The following SYNPO2L variants were observed in gnomAD, a reference collection of about 807,000 sequenced individuals.
SYNPO2L encodes synaptopodin 2 like.
SYNPO2L carries 34 observed loss-of-function variants against 47.5 expected under a neutral mutation model. That is an observed-to-expected ratio of 0.72 (90% confidence interval 0.54 to 0.95). The LOEUF is 0.95. Ranked by LOEUF, SYNPO2L falls within the 40% of genes least tolerant of loss-of-function variation. The pLI is 0.00. For synonymous variants in SYNPO2L, 536 were observed against 524.9 expected, an observed-to-expected ratio of 1.02 and a Z score of -0.29; for missense variants, 1,246 against 1,282.0, an observed-to-expected ratio of 0.97 and a Z score of 0.43.
In SYNPO2L at chr10:73,654,603, G is replaced by A. The variant is rs138593464; in HGVS notation, c.106-323C>T. 3.2e-3 allele frequency among the ~76,000 whole-genome samples: 483 copies of A among 152,246 alleles called. 2 individuals are homozygous for A. The highest frequency in any genetic ancestry group is 0.011 in the African/African-American group (463 of 41,532). On this transcript the variant is annotated intron_variant, in intron 1 of 3. Coordinates refer to ENST00000394810, the MANE Select transcript of SYNPO2L (RefSeq NM_001114133.3). ...TCACGCCTGTAAGCCCAGTGCTTTG[G>A]GAGGCCTAGGTGGGTGGATCACTTG...
Position 73,645,190 on chromosome 10 carries a change from C to T in SYNPO2L, c.*1528G>A. 1.7e-6 allele frequency: 2 copies of T among 1,157,518 alleles called. No homozygotes were observed. The highest frequency in any genetic ancestry group is 1.0e-4 in the East Asian group (1 of 9,924). 71.7% of individuals were successfully genotyped at this position (1,157,518 alleles called of 1,614,324 possible). ...AAGAACAGACTCAAGGAAAATCACA[C>T]AGACACCAACCGTTCTTTCAACACT... On this transcript the variant is annotated 3_prime_UTR_variant, in exon 4 of 4. Coordinates refer to ENST00000394810, the MANE Select transcript of SYNPO2L (RefSeq NM_001114133.3).
chr10:73,646,357 GCT>G lies in SYNPO2L; in HGVS notation c.*359_*360del. ...GCCTGAAGTCCCAGTGGTCACTTCTGCTCTGTTTACTTCTCACTGAACATTAA... is the reference window on the plus strand; with the variant it reads ...GCCTGAAGTCCCAGTGGTCACTTCTGCTGTTTACTTCTCACTGAACATTAA... On this transcript the variant is annotated 3_prime_UTR_variant, in exon 4 of 4. Coordinates refer to ENST00000394810, the MANE Select transcript of SYNPO2L (RefSeq NM_001114133.3). 9.9e-7 allele frequency: 1 copy of G among 1,011,790 alleles called. No homozygotes were observed. The highest frequency in any genetic ancestry group is 1.2e-6 in the Non-Finnish European group (1 of 848,364). The allele number at this position is 1,011,790 out of a possible 1,614,324, so 62.7% of individuals were successfully genotyped here.
In SYNPO2L at chr10:73,646,205, C is replaced by G; in HGVS notation, c.*513G>C. 1 of 989,828 alleles carries G rather than the reference C, an allele frequency of 1.0e-6. No individual in the cohort carries two copies. The allele number at this position is 989,828 out of a possible 1,614,324, so 61.3% of individuals were successfully genotyped here. The stretch of plus-strand genomic sequence containing the variant: ...ACACACACACACACACACACACACA[C>G]ACACACACACACAGGCCTAGGTATA... On this transcript the variant is annotated 3_prime_UTR_variant, in exon 4 of 4. Coordinates refer to ENST00000394810, the MANE Select transcript of SYNPO2L (RefSeq NM_001114133.3).
Position 73,648,144 on chromosome 10 carries a change from C to A in SYNPO2L, c.1508G>T (p.Ser503Ile). The A allele has an allele frequency of 6.5e-7, 1 of 1,543,522 alleles. No homozygotes were observed. Among genetic ancestry groups the A allele is most frequent in the Admixed American group, 1.9e-5 (1 of 51,970 alleles). ...KRANDSLGGL[S>I]PAPPPFLSSQ... Reference sequence around the variant, plus strand: ...AGACAAGAAGGGGGGTGGGGCGGGGCTGAGGCCCCCCAGGCTGTCGTTCGC... The same window carrying A: ...AGACAAGAAGGGGGGTGGGGCGGGGATGAGGCCCCCCAGGCTGTCGTTCGC... Residue 503 changes from serine (S) to isoleucine (I), a missense_variant, in exon 4 of 4, where the codon AGC becomes ATC. Around this residue, in one of 3 missense-constraint regions of SYNPO2L, gnomAD observed 1,037 missense variants for 1,021.5 expected, o/e 1.02. Coordinates refer to ENST00000394810, the MANE Select transcript of SYNPO2L (RefSeq NM_001114133.3).
Position 73,647,002 on chromosome 10 carries a change from C to G in SYNPO2L, c.2650G>C (p.Val884Leu), listed in dbSNP as rs756322563. ...GTGGAAAACCGGCGAATCTCCTGGA[C>G]TCGGGCAGTTTTGGGGGACCCTGAG... ...IASGSPKTAR[V>L]QEIRRFSTPA... Residue 884 changes from valine (V) to leucine (L), a missense_variant, in exon 4 of 4, where the codon GTC (valine) becomes CTC (leucine). By Grantham distance (32) the Val-to-Leu change is conservative (BLOSUM62 1). Transcript: ENST00000394810. The G allele has an allele frequency of 1.2e-6, 2 of 1,613,388 alleles. No homozygotes were observed. The highest frequency in any genetic ancestry group is 2.2e-5 in the South Asian group (2 of 91,044).
chr10:73,644,893 C>T lies in SYNPO2L; in HGVS notation c.*1825G>A. 1 of 659,610 alleles carries T rather than the reference C, an allele frequency of 1.5e-6. No individual in the cohort carries two copies. Among genetic ancestry groups the T allele is most frequent in the Non-Finnish European group, 2.2e-6 (1 of 455,484 alleles). 40.9% of individuals were successfully genotyped at this position (659,610 alleles called of 1,614,324 possible). A position where few individuals can be genotyped will look rare whatever the true frequency, so the allele number is the denominator to read the frequency against. Reference sequence around the variant, plus strand: ...GATAACAGCAACAGAAGGTATGGGGCATAAATTTATTCTTGTGCACAAACC... The same window carrying T: ...GATAACAGCAACAGAAGGTATGGGGTATAAATTTATTCTTGTGCACAAACC... On this transcript the variant is annotated 3_prime_UTR_variant, in exon 4 of 4. Transcript: ENST00000394810.
At chr10:73,654,491 T>C (rs1423089346) in intron 1 of SYNPO2L, among the ~76,000 whole-genome samples, 2 of 151,848 alleles carry the variant, frequency 1.3e-5, no homozygotes, top group Non-Finnish European at 2.9e-5. Flanking sequence ...TGGTGGGAAA[T>C]AGGGTAACCA....
At position 73,648,215 on chromosome 10, in the gene SYNPO2L, C is replaced by A; in HGVS notation, c.1437G>T (p.Arg479=). ...RPFTPGLQGQ[R]PTTTSVIFRP... ...GGAAAATAACCGAGGTGGTAGTTGGCCGCTGCCCTTGTAGGCCCGGGGTAA... is the reference window on the plus strand; with the variant it reads ...GGAAAATAACCGAGGTGGTAGTTGGACGCTGCCCTTGTAGGCCCGGGGTAA... The change falls in exon 4 of 4, where the codon CGG becomes CGT. Residue 479 remains arginine, a synonymous_variant. Coordinates refer to ENST00000394810, the MANE Select transcript of SYNPO2L (RefSeq NM_001114133.3). 1.9e-6 allele frequency: 3 copies of A among 1,579,660 alleles called. No individual in the cohort carries two copies. The highest frequency in any genetic ancestry group is 2.6e-6 in the Non-Finnish European group (3 of 1,165,258).
intron 3 of SYNPO2L, among the ~76,000 whole-genome samples, chr10:73,651,549 A>G (rs998682687): frequency 2.6e-5 from 4 of 152,200 alleles, no homozygotes; most frequent in African/African-American, 9.7e-5. Flanking sequence ...CGGGAGGCAT[A>G]GAGCAGGGAG....
At chr10:73,652,303 C>T (rs1250993741) in intron 3 of SYNPO2L, among the ~76,000 whole-genome samples, 1 of 151,954 alleles carries the variant, frequency 6.6e-6, no homozygotes, top group Non-Finnish European at 1.5e-5. Flanking sequence ...TAGACATGTG[C>T]CACAGTGTTT....
intron 3 of SYNPO2L, chr10:73,650,089 A>G: frequency 1.0e-6 from 1 of 985,356 alleles, no homozygotes; most frequent in Non-Finnish European, 1.2e-6. Context: ...GGGGCCAGGA[A>G]ATGGGAGGGC....
Position 73,645,502 on chromosome 10 carries a change from C to T in SYNPO2L, c.*1216G>A, listed in dbSNP as rs879280246. 1.4e-5 allele frequency: 14 copies of T among 991,318 alleles called. No homozygotes were observed. The Admixed American group carries it at 5.5e-4, about 39-fold the overall frequency. The allele number at this position is 991,318 out of a possible 1,614,324, so 61.4% of individuals were successfully genotyped here. A position where few individuals can be genotyped will look rare whatever the true frequency, so the allele number is the denominator to read the frequency against. ...ATGAAGCCAATGATTTGTTCATTCT[C>T]GGAGGGAATTTTCTTTCTTTTTTTC... On this transcript the variant is annotated 3_prime_UTR_variant, in exon 4 of 4. Coordinates refer to ENST00000394810, the MANE Select transcript of SYNPO2L (RefSeq NM_001114133.3).
intron 3 of SYNPO2L, chr10:73,649,984 G>A: frequency 1.0e-6 from 1 of 985,402 alleles, no homozygotes; most frequent in African/African-American, 1.7e-5. Flanking sequence ...TCTACGTAGA[G>A]AGCTCAGGCA....
Position 73,646,990 on chromosome 10 carries a change from G to C in SYNPO2L, c.2662C>G (p.Arg888Gly). The change falls in exon 4 of 4, where the codon CGC becomes GGC. Residue 888 changes from arginine (R) to glycine (G), a missense_variant. Transcript: ENST00000394810. ...SPKTARVQEI[R>G]RFSTPAPQPT... ...TGGGGTGCCGGAGTGGAAAACCGGC[G>C]AATCTCCTGGACTCGGGCAGTTTTG... The C allele has an allele frequency of 1.2e-6, 2 of 1,612,780 alleles. No individual in the cohort carries two copies. Among genetic ancestry groups the C allele is most frequent in the Non-Finnish European group, 1.7e-6 (2 of 1,179,024 alleles).
chr10:73,647,467 GC>G lies in SYNPO2L; in HGVS notation c.2184del (p.Lys728AsnfsTer12). ...CCATCAAGGAGCCCTCGAGATGGGG[GC>G]TTAGGAGCCACTGGGGGTGGAGTCT... ...TPKTPPPVAP[K>X]PPSRGLLDGL... is the part of the protein sequence containing the mutation. On this transcript the variant is annotated frameshift_variant, in exon 4 of 4. Coordinates refer to ENST00000394810, the MANE Select transcript of SYNPO2L (RefSeq NM_001114133.3). LOFTEE classifies it high-confidence loss of function. 1 of 1,598,042 alleles carries G rather than the reference GC, an allele frequency of 6.3e-7. No individual in the cohort carries two copies. Among genetic ancestry groups the G allele is most frequent in the Non-Finnish European group, 8.5e-7 (1 of 1,170,066 alleles).
Position 73,646,789 on chromosome 10 carries a change from T to C in SYNPO2L, c.2863A>G (p.Arg955Gly). Residue 955 changes from arginine (R) to glycine (G), a missense_variant, in exon 4 of 4, where the codon AGG becomes GGG. Around this residue, in one of 3 missense-constraint regions of SYNPO2L, gnomAD observed 1,037 missense variants for 1,021.5 expected, o/e 1.02. Coordinates refer to ENST00000394810, the MANE Select transcript of SYNPO2L (RefSeq NM_001114133.3). ...SPSSCGFQVA[R>G]PRFSATRTGL... ...GTTCTGGTGGCTGAAAATCGGGGCC[T>C]GGCTACCTGGAAACCGCAGGAGCTG... 1 of 1,525,842 alleles carries C rather than the reference T, an allele frequency of 6.6e-7. No individual in the cohort carries two copies. Among genetic ancestry groups the C allele is most frequent in the South Asian group, 1.3e-5 (1 of 75,516 alleles). 94.5% of individuals were successfully genotyped at this position (1,525,842 alleles called of 1,614,324 possible).
chr10:73,652,247 G>A (rs1564994641), intron 3 of SYNPO2L, among the ~76,000 whole-genome samples: 1 of 151,992 alleles, frequency 6.6e-6, no homozygotes, highest in Non-Finnish European at 1.5e-5. Flanking sequence ...AAACCTCTCA[G>A]GCTCAAGCAA....
In SYNPO2L at chr10:73,647,302, G is replaced by A; in HGVS notation, c.2350C>T (p.Pro784Ser). ...GTAGGAGAAGGACTTCTAGGCCGAG[G>A]GCCAAGACCAGGACCAGGTGTACCT... ...VEGTPGPGLGPRPRSPSPTPS... is the reference protein window; with the variant it reads ...VEGTPGPGLGSRPRSPSPTPS... Residue 784 changes from proline (P) to serine (S), a missense_variant, in exon 4 of 4, where the codon CCT (proline) becomes TCT (serine). By Grantham distance (74) the Pro-to-Ser change is moderately conservative. This residue lies in a region of SYNPO2L where 1,037 missense variants were observed against 1,021.5 expected (regional missense o/e 1.02). Transcript: ENST00000394810. The A allele has an allele frequency of 6.2e-7, 1 of 1,614,074 alleles. No homozygotes were observed. The highest frequency in any genetic ancestry group is 8.5e-7 in the Non-Finnish European group (1 of 1,179,982).
chr10:73,647,858 G>A lies in SYNPO2L; in HGVS notation c.1794C>T (p.Ala598=), dbSNP rs558424319. Residue 598 remains alanine, a synonymous_variant, in exon 4 of 4, where the codon GCC becomes GCT. Transcript: ENST00000394810. ...GGGGCTCAGGAGCCCCTGGGCCTGG[G>A]GCAGGCGCCTCTGGGCGCGCAGAGG... ...LRPSARPEAP[A]PGPGAPEPPS... is the part of the protein sequence containing the mutation. 90 of 1,541,960 alleles carry A rather than the reference G, an allele frequency of 5.8e-5. No homozygotes were observed. Among genetic ancestry groups the A allele is most frequent in the Non-Finnish European group, 3.7e-5 (43 of 1,148,522 alleles).
Sources: allele counts gnomAD v4.1 joint callset (sites outside exome capture counted in the v4.1 genomes callset), GRCh38; gene constraint gnomAD v4.1.1; regional missense constraint gnomAD v4.1.1; transcripts MANE v1.5; gene names NCBI Gene and HGNC (gene_info 2026-07-23, HGNC 2026-07-21).